Variants in PCDH10 observed in about 807,000 individuals in gnomAD.
PCDH10 encodes protocadherin-10.
Under a neutral mutation model 74.4 loss-of-function variants are expected in PCDH10, and 15 were observed. The observed-to-expected ratio is 0.20, with a 90% confidence interval of 0.13 to 0.31. The LOEUF is 0.31. PCDH10 is among the 10% of genes least tolerant of loss of function. PCDH10 has a pLI of 1.00. For missense variants in PCDH10, 1,260 were observed against 1,390.2 expected, an observed-to-expected ratio of 0.91 and a Z score of 1.49; for synonymous variants, 619 against 589.8, an observed-to-expected ratio of 1.05 and a Z score of -0.72.
chr4:133,173,732 CTTT>C (rs74651681), intron 4 of PCDH10, among the ~76,000 whole-genome samples: 12 of 147,216 alleles, frequency 8.2e-5, no homozygotes, highest in East Asian at 2.0e-4. Context: ...TTCTTAAAGT[CTTT>C]TTTTTTTTTG....
intron 2 of PCDH10, among the ~76,000 whole-genome samples, chr4:133,206,966 T>C (rs930700551): frequency 3.9e-5 from 6 of 152,150 alleles, no homozygotes; most frequent in Non-Finnish European, 7.3e-5. Flanking sequence ...GAATTCATAA[T>C]TAAAATTTAA....
intron 3 of PCDH10, among the ~76,000 whole-genome samples, chr4:133,158,294 C>G (rs1281756544): frequency 6.6e-6 from 1 of 151,900 alleles, no homozygotes; most frequent in Non-Finnish European, 1.5e-5. Flanking sequence ...CTAAAGTGAT[C>G]TGTTTAGTAG....
At chr4:133,178,063 T>G (rs1296675408) in intron 4 of PCDH10, among the ~76,000 whole-genome samples, 1 of 152,094 alleles carries the variant, frequency 6.6e-6, no homozygotes, top group Non-Finnish European at 1.5e-5. Context: ...GAAGTAAATA[T>G]TCTAGCTTGT....
At position 133,192,297 on chromosome 4, in the gene PCDH10, A is replaced by G. The variant is rs1727694794; in HGVS notation, c.*2137A>G. On this transcript the variant is annotated 3_prime_UTR_variant, in exon 5 of 5. Transcript: ENST00000264360. ...AATGTTTATACATAATTTAACTGGA[A>G]AAAAGTCTGTTTGTTCCAACTCTTT... 6.6e-6 allele frequency: 1 copy of G among 151,614 alleles called. No individual in the cohort carries two copies. Among genetic ancestry groups the G allele is most frequent in the Admixed American group, 6.6e-5 (1 of 15,178 alleles). 9.4% of individuals were successfully genotyped at this position (151,614 alleles called of 1,614,324 possible). A position where few individuals can be genotyped will look rare whatever the true frequency, so the allele number is the denominator to read the frequency against.
chr4:133,151,799 G>A lies in PCDH10; in HGVS notation c.1659G>A (p.Ala553=), dbSNP rs778841098. 6 of 1,612,964 alleles carry A rather than the reference G, an allele frequency of 3.7e-6. No homozygotes were observed. Among genetic ancestry groups the A allele is most frequent in the Non-Finnish European group, 8.5e-7 (1 of 1,180,054 alleles). Residue 553 remains alanine, a synonymous_variant, in exon 1 of 5, where the codon GCG becomes GCA. Transcript: ENST00000264360. ...CCCGGGACGCTGGCAGCCCCCAGGC[G>A]CTGGCTGGTAACGCCACTGTCAACA... ...VEARDAGSPQ[A]LAGNATVNIL...
At position 133,150,314 on chromosome 4, in the gene PCDH10, C is replaced by G; in HGVS notation, c.174C>G (p.Asn58Lys). 6.2e-7 allele frequency: 1 copy of G among 1,613,764 alleles called. No individual in the cohort carries two copies. Among genetic ancestry groups the G allele is most frequent in the African/African-American group, 1.3e-5 (1 of 74,980 alleles). The change falls in exon 1 of 5, where the codon AAC becomes AAG. Residue 58 changes from asparagine (N) to lysine (K), a missense_variant. Asn to Lys is a moderately conservative substitution (Grantham distance 94). Coordinates refer to ENST00000264360, the MANE Select transcript of PCDH10 (RefSeq NM_032961.3). ...CTCGCGGGTTTCAGACGGTGCCCAACTCAAGGACCCCTTACTTAGACCTCA... is the reference window on the plus strand; with the variant it reads ...CTCGCGGGTTTCAGACGGTGCCCAAGTCAAGGACCCCTTACTTAGACCTCA... Reference protein sequence around the residue: ...LSARGFQTVPNSRTPYLDLNL... With the variant: ...LSARGFQTVPKSRTPYLDLNL...
chr4:133,166,796 A>G (rs1043803611), intron 4 of PCDH10, among the ~76,000 whole-genome samples: 4 of 151,556 alleles, frequency 2.6e-5, no homozygotes, highest in Non-Finnish European at 5.9e-5. Flanking sequence ...TTGCCAATAA[A>G]CATAATCAAT....
In PCDH10 at chr4:133,154,866, CTG is replaced by C. The variant is rs1241500358; in HGVS notation, c.2691-47_2691-46del. On this transcript the variant is annotated intron_variant, in intron 2 of 4. Transcript: ENST00000264360. ...CCATGTGGTGGCAGAAGAATGTTTT[CTG>C]TGTTTCTTCACCTTTTTTATTCTAA... 3 of 1,248,330 alleles carry C rather than the reference CTG, an allele frequency of 2.4e-6. No homozygotes were observed. In the African/African-American group the frequency reaches 4.4e-5, roughly 18 times the overall value. The allele number at this position is 1,248,330 out of a possible 1,614,324, so 77.3% of individuals were successfully genotyped here.
intron 4 of PCDH10, among the ~76,000 whole-genome samples, chr4:133,187,115 G>A (rs900651185): frequency 2.6e-5 from 4 of 152,150 alleles, no homozygotes; most frequent in African/African-American, 9.6e-5. Context: ...ACTATTTCTA[G>A]GTTGGCAGGA....
Position 133,192,788 on chromosome 4 carries a change from G to GT in PCDH10, c.*2629dup, listed in dbSNP as rs571108927. On this transcript the variant is annotated 3_prime_UTR_variant, in exon 5 of 5. Coordinates refer to ENST00000264360, the MANE Select transcript of PCDH10 (RefSeq NM_032961.3). ...ACAACAGAGTAAGGATATGATTCTT[G>GT]TAAGTTGGTTAAAATGTTTTCTTCC... 99 of 151,656 alleles carry GT rather than the reference G, an allele frequency of 6.5e-4. No homozygotes were observed. The highest frequency in any genetic ancestry group is 2.4e-3 in the African/African-American group (98 of 41,504). The allele number at this position is 151,656 out of a possible 1,614,324, so 9.4% of individuals were successfully genotyped here. A position where few individuals can be genotyped will look rare whatever the true frequency, so the allele number is the denominator to read the frequency against.
At position 133,150,749 on chromosome 4, in the gene PCDH10, G is replaced by T; in HGVS notation, c.609G>T (p.Ala203=). 6.2e-7 allele frequency: 1 copy of T among 1,605,600 alleles called. No homozygotes were observed. Among genetic ancestry groups the T allele is most frequent in the South Asian group, 1.1e-5 (1 of 90,432 alleles). ...QQAVHRYVLT[A]VDGGGGGGVG... ...CGGTGCACCGCTACGTGCTGACCGC[G>T]GTGGACGGAGGAGGTGGGGGAGGAG... The change falls in exon 1 of 5, where the codon GCG becomes GCT. Residue 203 remains alanine (A), a synonymous_variant. Transcript: ENST00000264360.
At chr4:133,199,147 G>T (rs1727851173), downstream of PCDH10, among the ~76,000 whole-genome samples, 1 of 151,552 alleles carries the variant, frequency 6.6e-6, no homozygotes, top group South Asian at 2.1e-4. Context: ...ATTTAGCCGG[G>T]AGTAGTGGCC....
chr4:133,190,103 C>T (rs1265352039), intron 4 of PCDH10, 38 bp from the exon 5 acceptor site: 1 of 1,570,120 alleles, frequency 6.4e-7, no homozygotes, highest in South Asian at 1.1e-5. Flanking sequence ...CAAAAGTCAA[C>T]CTCTTTTTCT....
rs949623263 is a variant in PCDH10, at chr4:133,190,285, G to A, written c.*125G>A. Reference sequence around the variant, plus strand: ...CATGTGTAACTGAGTATTAGATTTCGGATGGAGTCATCATGGCCAATTATA... The same window carrying A: ...CATGTGTAACTGAGTATTAGATTTCAGATGGAGTCATCATGGCCAATTATA... On this transcript the variant is annotated 3_prime_UTR_variant, in exon 5 of 5. Coordinates refer to ENST00000264360, the MANE Select transcript of PCDH10 (RefSeq NM_032961.3). 8.3e-6 allele frequency: 7 copies of A among 845,646 alleles called. No homozygotes were observed. The highest frequency in any genetic ancestry group is 5.0e-5 in the African/African-American group (3 of 59,450). 52.4% of individuals were successfully genotyped at this position (845,646 alleles called of 1,614,324 possible).
chr4:133,152,257 G>A lies in PCDH10; in HGVS notation c.2117G>A (p.Gly706Asp), dbSNP rs1020969139. Residue 706 changes from glycine (G) to aspartate (D), a missense_variant, in exon 1 of 5, where the codon GGC becomes GAC. Transcript: ENST00000264360. Reference protein sequence around the residue: ...SGEHQRPSRSGGGETSLDLTL... With the variant: ...SGEHQRPSRSDGGETSLDLTL... ...GAGCACCAGCGCCCCAGTCGCTCTGGCGGCGGGGAAACCTCGCTAGACCTC... is the reference window on the plus strand; with the variant it reads ...GAGCACCAGCGCCCCAGTCGCTCTGACGGCGGGGAAACCTCGCTAGACCTC... The A allele has an allele frequency of 1.9e-6, 3 of 1,612,814 alleles. No individual in the cohort carries two copies. The highest frequency in any genetic ancestry group is 1.7e-6 in the Non-Finnish European group (2 of 1,179,334).
intron 4 of PCDH10, among the ~76,000 whole-genome samples, chr4:133,167,614 T>A (rs1004355426): frequency 7.3e-5 from 11 of 151,518 alleles, no homozygotes; most frequent in Non-Finnish European, 1.6e-4. Flanking sequence ...GATTTTTTCT[T>A]TTTAACTTGA....
intron 2 of PCDH10, among the ~76,000 whole-genome samples, chr4:133,200,728 C>T (rs1280168123): frequency 6.6e-5 from 10 of 152,096 alleles, no homozygotes. Context: ...ATGGAAGAAC[C>T]TAACAATAAA....
chr4:133,152,728 A>G lies in PCDH10; in HGVS notation c.2588A>G (p.Gln863Arg), dbSNP rs772554344. The G allele has an allele frequency of 6.2e-7, 1 of 1,614,118 alleles. No individual in the cohort carries two copies. The highest frequency in any genetic ancestry group is 8.5e-7 in the Non-Finnish European group (1 of 1,180,048). The change falls in exon 1 of 5, where the codon CAG becomes CGG. Residue 863 changes from glutamine to arginine, a missense_variant. By Grantham distance (43) the Gln-to-Arg change is conservative. Coordinates refer to ENST00000264360, the MANE Select transcript of PCDH10 (RefSeq NM_032961.3). ...GCCATCGTCACCGGTTACACCGACC[A>G]GCAGCCTGATATCATCTCCAACGGA... ...CGAIVTGYTD[Q>R]QPDIISNGSI... is the part of the protein sequence containing the mutation.
chr4:133,182,414 A>G (rs1727436384), intron 4 of PCDH10, among the ~76,000 whole-genome samples: 2 of 152,100 alleles, frequency 1.3e-5, no homozygotes, highest in African/African-American at 4.8e-5. Flanking sequence ...GGAACTTCAG[A>G]TACACACAAT....
Sources: allele counts gnomAD v4.1 joint callset (sites outside exome capture counted in the v4.1 genomes callset), GRCh38; gene constraint gnomAD v4.1.1; transcripts MANE v1.5; gene names NCBI Gene and HGNC (gene_info 2026-07-23, HGNC 2026-07-21).